The following CYTH3 variants were observed in gnomAD, a reference collection of about 807,000 sequenced individuals.
The protein encoded by CYTH3 is cytohesin-3.
Under a neutral mutation model 55.1 loss-of-function variants are expected in CYTH3, and 23 were observed. The observed-to-expected ratio is 0.42, with a 90% CI of 0.30 to 0.59. The LOEUF (loss-of-function observed/expected upper bound fraction) is 0.59. CYTH3 is among the 20% of genes least tolerant of loss of function. CYTH3 has a pLI of 0.20. For synonymous variants in CYTH3, 249 were observed against 194.9 expected, an observed-to-expected ratio of 1.28 and a Z score of -2.31; for missense variants, 413 against 524.8, an observed-to-expected ratio of 0.79 and a Z score of 2.08.
chr7:6,263,870 G>T (rs1198306591), intron 1 of CYTH3, among the ~76,000 whole-genome samples: 2 of 152,034 alleles, frequency 1.3e-5, no homozygotes, highest in Non-Finnish European at 2.9e-5. Context: ...ATTAAACAAG[G>T]TCTATATATA....
Position 6,218,897 on chromosome 7 carries a change from T to C in CYTH3, c.35-28366A>G, listed in dbSNP as rs1048523572. Among the ~76,000 whole-genome samples the C allele has an allele frequency of 4.0e-5, 6 of 149,202 alleles. No homozygotes were observed. In the Middle Eastern group the frequency reaches 0.018, roughly 454 times the overall value. On this transcript the variant is annotated intron_variant, in intron 1 of 12. Coordinates refer to ENST00000350796, the MANE Select transcript of CYTH3 (RefSeq NM_004227.4). Reference sequence around the variant, plus strand: ...GCGCACACCTGTAGTCCCAGCTACTTGGGAGGCTGAGGCAGGAGAATCGCT... The same window carrying C: ...GCGCACACCTGTAGTCCCAGCTACTCGGGAGGCTGAGGCAGGAGAATCGCT...
In CYTH3 at chr7:6,223,656, CCA is replaced by C. The variant is rs1159305541; in HGVS notation, c.35-33127_35-33126del. On this transcript the variant is annotated intron_variant, in intron 1 of 12. Transcript: ENST00000350796. ...GCAGCATGCTCGTTAAGAGTCATCA[CCA>C]CTCCCTAATCTCAAGTACCCAGGGA... Among the ~76,000 whole-genome samples the C allele has an allele frequency of 4.6e-5, 7 of 151,946 alleles. No homozygotes were observed. The South Asian group carries it at 1.5e-3, about 32-fold the overall frequency.
At chr7:6,260,956 T>C (rs1319233461) in intron 1 of CYTH3, among the ~76,000 whole-genome samples, 4 of 152,198 alleles carry the variant, frequency 2.6e-5, no homozygotes, top group Admixed American at 2.6e-4. Context: ...AATAGCAAAA[T>C]TGAATTCCTG....
chr7:6,181,824 C>G (rs1331538895), intron 4 of CYTH3, among the ~76,000 whole-genome samples: 1 of 152,176 alleles, frequency 6.6e-6, no homozygotes, highest in Non-Finnish European at 1.5e-5. Context: ...AAACTCTGTT[C>G]TAGCACACGT....
At chr7:6,183,961 C>T (rs1246548603) in intron 4 of CYTH3, among the ~76,000 whole-genome samples, 2 of 150,840 alleles carry the variant, frequency 1.3e-5, no homozygotes, top group East Asian at 1.9e-4. Context: ...TCACCAGACA[C>T]CAATCATGCT....
At chr7:6,259,820 ATATATATATATATTTT>A (rs1780297811) in intron 1 of CYTH3, among the ~76,000 whole-genome samples, 2 of 26,034 alleles carry the variant, frequency 7.7e-5, no homozygotes, top group African/African-American at 8.1e-4. Context: ...TATAATATAT[ATATATATATATATTTT>A]TTTTTTTTTT....
chr7:6,207,841 T>G (rs549434482), intron 1 of CYTH3, among the ~76,000 whole-genome samples: 1 of 150,748 alleles, frequency 6.6e-6, no homozygotes, highest in Admixed American at 6.6e-5. Flanking sequence ...TCCCAGCTAC[T>G]TGGGAGGCTG....
intron 1 of CYTH3, among the ~76,000 whole-genome samples, chr7:6,195,133 T>C (rs185834347): frequency 1.8e-4 from 28 of 152,266 alleles, no homozygotes; most frequent in African/African-American, 6.3e-4. Context: ...GCAATGGTTA[T>C]GCCTAAAAAA....
At chr7:6,227,049 C>T (rs1779274617) in intron 1 of CYTH3, among the ~76,000 whole-genome samples, 2 of 148,806 alleles carry the variant, frequency 1.3e-5, no homozygotes, top group African/African-American at 5.1e-5. Context: ...CACTGCACTC[C>T]AGCCTGGGCA....
At chr7:6,246,926 TCAAA>T (rs143545462) in intron 1 of CYTH3, among the ~76,000 whole-genome samples, 9,725 of 152,318 alleles carry the variant, frequency 0.064, 426 homozygotes, top group Non-Finnish European at 0.098. Context: ...CTTGAGTTAT[TCAAA>T]CAATCTTTTA....
chr7:6,183,694 ATG>A (rs1254698261), intron 4 of CYTH3, among the ~76,000 whole-genome samples: 2 of 152,308 alleles, frequency 1.3e-5, no homozygotes, highest in East Asian at 3.9e-4. Flanking sequence ...TGTCTGAAGC[ATG>A]TGAGATCATC....
chr7:6,219,275 A>G (rs1187523782), intron 1 of CYTH3, among the ~76,000 whole-genome samples: 1 of 152,194 alleles, frequency 6.6e-6, no homozygotes, highest in African/African-American at 2.4e-5. Flanking sequence ...TGGATATTTA[A>G]TTGAGGCATT....
At chr7:6,260,142 T>C (rs1204368039) in intron 1 of CYTH3, among the ~76,000 whole-genome samples, 1 of 151,812 alleles carries the variant, frequency 6.6e-6, no homozygotes, top group Non-Finnish European at 1.5e-5. Context: ...ATTTTATATA[T>C]CTTAAGCAGC....
intron 1 of CYTH3, among the ~76,000 whole-genome samples, chr7:6,238,088 C>G (rs11979131): frequency 0.049 from 7,525 of 152,222 alleles, 619 homozygotes; most frequent in African/African-American, 0.17. Context: ...AATCTGTATA[C>G]TTCATCAAGT....
intron 4 of CYTH3, among the ~76,000 whole-genome samples, chr7:6,184,841 G>A (rs899799845): frequency 1.3e-5 from 2 of 152,216 alleles, no homozygotes; most frequent in Non-Finnish European, 2.9e-5. Flanking sequence ...GCCTCCTAAA[G>A]TGCTGGGATT....
chr7:6,178,291 A>T (rs1783398000), intron 4 of CYTH3, among the ~76,000 whole-genome samples: 1 of 152,178 alleles, frequency 6.6e-6, no homozygotes, highest in Non-Finnish European at 1.5e-5. Flanking sequence ...TGCGAGGAAA[A>T]CTTTGTGGGT....
At chr7:6,187,231 G>A (rs1418120827) in intron 3 of CYTH3, 115 bp from the exon 4 acceptor site, 36 of 1,152,808 alleles carry the variant, frequency 3.1e-5, no homozygotes, top group Non-Finnish European at 4.5e-5. Flanking sequence ...CGAAGCACAG[G>A]CCCTCACGGA....
chr7:6,167,551 G>A lies in CYTH3; in HGVS notation c.824-1741C>T, dbSNP rs568041068. On this transcript the variant is annotated intron_variant, in intron 9 of 12. Coordinates refer to ENST00000350796, the MANE Select transcript of CYTH3 (RefSeq NM_004227.4). The surrounding 1 kb of genome is among the most constrained non-coding windows in gnomAD (Gnocchi z 5.5). ...GCCATCCCCCAAACAGCGGCCAAAG[G>A]CATCTTTTCAAAAACGTGGCAATCA... Among the ~76,000 whole-genome samples, 2 of 152,364 alleles carry A rather than the reference G, an allele frequency of 1.3e-5. No individual in the cohort carries two copies. Among genetic ancestry groups the A allele is most frequent in the African/African-American group, 2.4e-5 (1 of 41,592 alleles).
At chr7:6,219,662 T>C (rs1784503641) in intron 1 of CYTH3, among the ~76,000 whole-genome samples, 1 of 152,104 alleles carries the variant, frequency 6.6e-6, no homozygotes, top group African/African-American at 2.4e-5. Context: ...GAGGGCCCTC[T>C]TGTCCCCTGT....
Sources: allele counts gnomAD v4.1 joint callset (sites outside exome capture counted in the v4.1 genomes callset), GRCh38; gene constraint gnomAD v4.1.1; non-coding constraint Gnocchi (gnomAD v3.1); transcripts MANE v1.5; gene names NCBI Gene and HGNC (gene_info 2026-07-23, HGNC 2026-07-21).